Variants in PRKAA2 observed in about 807,000 individuals in gnomAD.
PRKAA2 encodes the protein protein kinase AMP-activated catalytic subunit alpha 2.
Under a neutral mutation model 56.3 loss-of-function variants are expected in PRKAA2, and 40 were observed. The ratio of observed to expected loss-of-function variants is 0.71; its 90% CI spans 0.55 to 0.92. The LOEUF (loss-of-function observed/expected upper bound fraction) is 0.92, where lower values mean the gene tolerates loss of function less well. Ranked by LOEUF, PRKAA2 falls within the 40% of genes least tolerant of loss-of-function variation. The probability of loss-of-function intolerance (pLI) is 0.00; values close to 1 mark genes in which losing one functional copy is unlikely to be tolerated. For missense variants in PRKAA2, 542 were observed against 686.9 expected (o/e 0.79, Z 2.36); for synonymous variants, 214 against 234.2 (o/e 0.91, Z 0.79).
At chr1:56,661,445 T>G (rs768099451) in intron 1 of PRKAA2, among the ~76,000 whole-genome samples, 14 of 152,184 alleles carry the variant, frequency 9.2e-5, no homozygotes, top group Non-Finnish European at 1.6e-4. Context: ...AGAATTCTAC[T>G]GTATCTGGCT....
intron 2 of PRKAA2, among the ~76,000 whole-genome samples, chr1:56,686,589 G>A (rs927381905): frequency 1.3e-5 from 2 of 152,172 alleles, no homozygotes; most frequent in African/African-American, 2.4e-5. Flanking sequence ...GCAACTGGCA[G>A]CCAGGGTGTC....
intron 6 of PRKAA2, among the ~76,000 whole-genome samples, chr1:56,697,657 G>A (rs1291470516): frequency 1.3e-5 from 2 of 152,198 alleles, no homozygotes; most frequent in Non-Finnish European, 2.9e-5. Flanking sequence ...GCTCATATCA[G>A]CATATACATT....
rs67041631 is a variant in PRKAA2 at position 56,664,855 on chromosome 1, T to TACACACACACACAC, written c.95-9502_95-9489dup. On this transcript the variant is annotated intron_variant, in intron 1 of 8. Transcript: ENST00000371244. ...ACACATGTATGCATAAGTATATGTG[T>TACACACACACACAC]ACACACACACACACACACACACACA... Among the ~76,000 whole-genome samples, 297 of 139,922 alleles carry TACACACACACACAC rather than the reference T, an allele frequency of 2.1e-3. 1 individual carries two copies. The highest frequency in any genetic ancestry group is 0.011 in the East Asian group (49 of 4,606). The allele number at this position is 139,922 out of a possible 152,430, so 91.8% of individuals were successfully genotyped here.
At chr1:56,706,580 C>CT (rs1644333864) in intron 8 of PRKAA2, among the ~76,000 whole-genome samples, 1 of 152,240 alleles carries the variant, frequency 6.6e-6, no homozygotes, top group African/African-American at 2.4e-5. Context: ...AGTGTCTAAA[C>CT]TTTCTCCTTC....
chr1:56,659,358 A>C (rs1231194429), intron 1 of PRKAA2, among the ~76,000 whole-genome samples: 1 of 151,338 alleles, frequency 6.6e-6, no homozygotes, highest in Non-Finnish European at 1.5e-5. Context: ...TGAGCTGGGC[A>C]TGGTGGTGCA....
Position 56,704,388 on chromosome 1 carries a change from G to A in PRKAA2, c.1206G>A (p.Trp402Ter), listed in dbSNP as rs1557564159. The A allele has an allele frequency of 1.9e-6, 3 of 1,614,106 alleles. No homozygotes were observed. The highest frequency in any genetic ancestry group is 2.5e-6 in the Non-Finnish European group (3 of 1,180,014). The change falls in exon 7 of 9, where the codon TGG becomes TGA. Residue 402 changes from tryptophan to a stop codon, truncating the protein, a stop_gained. Coordinates refer to ENST00000371244, the MANE Select transcript of PRKAA2 (RefSeq NM_006252.4). LOFTEE classifies it high-confidence loss of function. ...PKSLAVKKAK[W>*]HLGIRSQSKP... ...CTTTAGCTGTGAAAAAAGCCAAGTG[G>A]CATCTTGGAATCCGAAGTCAGAGCA...
At chr1:56,655,121 A>C (rs1456867332) in intron 1 of PRKAA2, among the ~76,000 whole-genome samples, 3 of 150,886 alleles carry the variant, frequency 2.0e-5, no homozygotes, top group Non-Finnish European at 4.4e-5. Flanking sequence ...CTGTCATAAA[A>C]CAATAGATCT....
At chr1:56,686,883 CTTTTTTT>C (rs144698190) in intron 2 of PRKAA2, among the ~76,000 whole-genome samples, 1 of 128,584 alleles carries the variant, frequency 7.8e-6, no homozygotes, top group African/African-American at 2.9e-5. Flanking sequence ...CCTAAATACT[CTTTTTTT>C]TTTTTTTTTT....
chr1:56,690,848 GAAGC>G (rs1644224768), intron 2 of PRKAA2, among the ~76,000 whole-genome samples: 1 of 152,202 alleles, frequency 6.6e-6, no homozygotes, highest in Non-Finnish European at 1.5e-5. Context: ...TTGCCAACAT[GAAGC>G]CTATGCTTTT....
chr1:56,679,562 T>G (rs1289371907), intron 2 of PRKAA2, among the ~76,000 whole-genome samples: 5 of 152,194 alleles, frequency 3.3e-5, no homozygotes, highest in African/African-American at 1.2e-4. Flanking sequence ...AATCAATCAT[T>G]AAGGTCTGCA....
chr1:56,655,842 T>C (rs1281045261), intron 1 of PRKAA2, among the ~76,000 whole-genome samples: 1 of 152,214 alleles, frequency 6.6e-6, no homozygotes, highest in African/African-American at 2.4e-5. Flanking sequence ...TAGAATAAGC[T>C]TAATCTCAGA....
intron 2 of PRKAA2, among the ~76,000 whole-genome samples, chr1:56,679,157 G>A (rs891120388): frequency 3.3e-5 from 5 of 151,848 alleles, no homozygotes; most frequent in African/African-American, 1.2e-4. Flanking sequence ...TATGGGCCCC[G>A]CTTTATCTTC....
intron 6 of PRKAA2, among the ~76,000 whole-genome samples, chr1:56,698,492 T>G (rs857155): frequency 0.44 from 67,003 of 152,006 alleles, 15,461 homozygotes; most frequent in East Asian, 0.59. Flanking sequence ...GCACAAGGTC[T>G]AACACATATT....
intron 2 of PRKAA2, 34 bp downstream of exon 2, chr1:56,674,556 A>G: frequency 7.3e-7 from 1 of 1,366,244 alleles, no homozygotes; most frequent in Non-Finnish European, 9.8e-7. Flanking sequence ...TACCAAAGAG[A>G]CACCTATCTT....
At chr1:56,670,610 G>T (rs749402976) in intron 1 of PRKAA2, among the ~76,000 whole-genome samples, 1 of 152,172 alleles carries the variant, frequency 6.6e-6, no homozygotes, top group African/African-American at 2.4e-5. Flanking sequence ...TAATTTGGGA[G>T]TTTGATGTAT....
In PRKAA2 at chr1:56,715,284, T is replaced by A. The variant is rs1478330246; in HGVS notation, c.*7571T>A. On this transcript the variant is annotated 3_prime_UTR_variant, in exon 9 of 9. Coordinates refer to ENST00000371244, the MANE Select transcript of PRKAA2 (RefSeq NM_006252.4). ...GAAAAGCAGCCTGTCTGATTGCTTATAAGCTTTTTTCACAAAATCAAATTA... is the reference window on the plus strand; with the variant it reads ...GAAAAGCAGCCTGTCTGATTGCTTAAAAGCTTTTTTCACAAAATCAAATTA... 1 of 152,198 alleles carries A rather than the reference T, an allele frequency of 6.6e-6. No homozygotes were observed. Among genetic ancestry groups the A allele is most frequent in the Non-Finnish European group, 1.5e-5 (1 of 68,030 alleles). 9.4% of individuals were successfully genotyped at this position (152,198 alleles called of 1,614,324 possible).
chr1:56,652,076 G>A (rs1488344866), intron 1 of PRKAA2, among the ~76,000 whole-genome samples: 1 of 146,932 alleles, frequency 6.8e-6, no homozygotes, highest in Non-Finnish European at 1.5e-5. Flanking sequence ...GCAGTGGCGC[G>A]ATCTCGGCTC....
intron 5 of PRKAA2, among the ~76,000 whole-genome samples, chr1:56,694,948 G>C (rs545878404): frequency 2.0e-5 from 3 of 151,832 alleles, no homozygotes; most frequent in Admixed American, 2.0e-4. Flanking sequence ...TTTGAGTATG[G>C]TAATATGCTA....
chr1:56,670,521 C>G (rs1323070083), intron 1 of PRKAA2, among the ~76,000 whole-genome samples: 4 of 152,116 alleles, frequency 2.6e-5, no homozygotes, highest in Non-Finnish European at 5.9e-5. Context: ...CTGGAACATA[C>G]TCAGGTGGCC....
Sources: gnomAD v4.1 joint callset for allele counts (sites outside exome capture counted in the v4.1 genomes callset) on GRCh38, gnomAD v4.1.1 for gene constraint, MANE v1.5 for transcripts, NCBI Gene and HGNC (gene_info 2026-07-23, HGNC 2026-07-21) for gene names.